The following ALDH7A1 variants were observed in gnomAD, a reference collection of about 807,000 sequenced individuals.
The protein encoded by ALDH7A1 is alpha-aminoadipic semialdehyde dehydrogenase.
In ALDH7A1, 63 loss-of-function variants were observed where a neutral mutation model predicts 79.9. The observed-to-expected ratio is 0.79, with a 90% CI of 0.64 to 0.97. The LOEUF (loss-of-function observed/expected upper bound fraction) is 0.97. Among genes scored for constraint, ALDH7A1 ranks in the 50% least tolerant of loss-of-function variants. The probability of loss-of-function intolerance (pLI) is 0.00; values close to 1 mark genes in which losing one functional copy is unlikely to be tolerated. For missense variants in ALDH7A1, 627 were observed against 665.2 expected (o/e 0.94, Z 0.63); for synonymous variants, 240 against 231.2 (o/e 1.04, Z -0.34).
chr5:126,550,415 G>C, intron 14 of ALDH7A1, 122 bp from the exon 15 acceptor site: 1 of 785,964 alleles, frequency 1.3e-6, no homozygotes, highest in South Asian at 1.6e-5. Flanking sequence ...AAACCAAAGA[G>C]TCAAGTTTAC....
In ALDH7A1 at chr5:126,594,535, C is replaced by T. The variant is rs1036729879; in HGVS notation, c.192+472G>A. The stretch of plus-strand genomic sequence containing the variant: ...TCTCGGCTCACTACGACCTCCACCT[C>T]CCGGGTTCAAGCGATTCTCCTGCCT... On this transcript the variant is annotated intron_variant, in intron 1 of 17. Coordinates refer to ENST00000409134, the MANE Select transcript of ALDH7A1 (RefSeq NM_001182.5). 1.1e-5 allele frequency: 3 copies of T among 280,086 alleles called. No homozygotes were observed. The Admixed American group carries it at 1.4e-4, about 13-fold the overall frequency. 17.4% of individuals were successfully genotyped at this position (280,086 alleles called of 1,614,324 possible). A position where few individuals can be genotyped will look rare whatever the true frequency, so the allele number is the denominator to read the frequency against.
intron 3 of ALDH7A1, chr5:126,588,637 CAA>C (rs372999283): frequency 2.8e-4 from 42 of 152,204 alleles, no homozygotes; most frequent in African/African-American, 1.0e-3. Flanking sequence ...ACAGGATATG[CAA>C]AGAGTGAACC....
At chr5:126,571,814 AG>A (rs1462008263) in intron 7 of ALDH7A1, among the ~76,000 whole-genome samples, 3 of 152,146 alleles carry the variant, frequency 2.0e-5, no homozygotes, top group Non-Finnish European at 4.4e-5. Context: ...AAATTGGGGA[AG>A]GGGAAGGGAT....
intron 7 of ALDH7A1, among the ~76,000 whole-genome samples, chr5:126,572,875 CCTT>C (rs1750823390): frequency 6.6e-6 from 1 of 152,186 alleles, no homozygotes; most frequent in African/African-American, 2.4e-5. Flanking sequence ...TGTCCTATAT[CCTT>C]CTGAATACAC....
intron 11 of ALDH7A1, among the ~76,000 whole-genome samples, chr5:126,557,072 T>A (rs1025076177): frequency 1.3e-5 from 2 of 152,228 alleles, no homozygotes; most frequent in Non-Finnish European, 2.9e-5. Flanking sequence ...TTGGCTTTTA[T>A]GTCATTTCAT....
intron 11 of ALDH7A1, among the ~76,000 whole-genome samples, chr5:126,558,553 G>A (rs1242373565): frequency 6.6e-6 from 1 of 152,134 alleles, no homozygotes; most frequent in East Asian, 1.9e-4. Flanking sequence ...GTCTTGCCCT[G>A]TCGCCCAGGC....
intron 3 of ALDH7A1, chr5:126,587,870 A>T (rs868204649): frequency 6.6e-6 from 1 of 152,152 alleles, no homozygotes; most frequent in Non-Finnish European, 1.5e-5. Flanking sequence ...CACAATTAGG[A>T]AAAACTCTGC....
intron 3 of ALDH7A1, among the ~76,000 whole-genome samples, chr5:126,585,478 A>G (rs963817103): frequency 6.6e-6 from 1 of 152,108 alleles, no homozygotes; most frequent in African/African-American, 2.4e-5. Context: ...CTTCTCCCCA[A>G]GTGTATCACT....
At chr5:126,558,352 C>G (rs535920059) in intron 11 of ALDH7A1, among the ~76,000 whole-genome samples, 1 of 152,154 alleles carries the variant, frequency 6.6e-6, no homozygotes, top group East Asian at 1.9e-4. Context: ...TAAACCACAT[C>G]TCCTTATATA....
chr5:126,559,817 G>A (rs4835913), intron 10 of ALDH7A1, among the ~76,000 whole-genome samples: 79,179 of 151,998 alleles, frequency 0.52, 21,935 homozygotes, highest in Middle Eastern at 0.64. Context: ...ATATATAGAC[G>A]AGGGGGAAAG....
chr5:126,582,223 T>C, intron 5 of ALDH7A1: 4 of 398,374 alleles, frequency 1.0e-5, no homozygotes, highest in Non-Finnish European at 1.3e-5. Context: ...GGCTTAGTCA[T>C]GGGGGTAGGA....
chr5:126,564,667 C>T, intron 9 of ALDH7A1: 2 of 707,612 alleles, frequency 2.8e-6, no homozygotes, highest in Non-Finnish European at 4.0e-6. Flanking sequence ...CCAAATGCTA[C>T]ACCAACTCTA....
At chr5:126,590,720 A>G (rs1331547675) in intron 3 of ALDH7A1, among the ~76,000 whole-genome samples, 1 of 152,008 alleles carries the variant, frequency 6.6e-6, no homozygotes, top group Non-Finnish European at 1.5e-5. Context: ...CCCCACCTCT[A>G]CAAAAAATAC....
chr5:126,549,787 G>C, intron 16 of ALDH7A1, 142 bp downstream of exon 16: 1 of 837,346 alleles, frequency 1.2e-6, no homozygotes, highest in Non-Finnish European at 2.0e-6. Context: ...CAGAATGTAA[G>C]CTTTTTCAGA....
intron 9 of ALDH7A1, among the ~76,000 whole-genome samples, chr5:126,565,431 T>C (rs1402760751): frequency 6.8e-6 from 1 of 146,246 alleles, no homozygotes; most frequent in Non-Finnish European, 1.5e-5. Flanking sequence ...AAGACGGCTA[T>C]TCAAATCCAA....
chr5:126,564,586 C>T, intron 9 of ALDH7A1: 2 of 1,247,704 alleles, frequency 1.6e-6, no homozygotes, highest in Non-Finnish European at 2.0e-6. Flanking sequence ...TTCTCATTTC[C>T]ATTGCTCTGA....
intron 9 of ALDH7A1, among the ~76,000 whole-genome samples, chr5:126,566,104 A>C (rs946428553): frequency 4.6e-5 from 7 of 152,232 alleles, no homozygotes. Flanking sequence ...TTAACTTGTC[A>C]GTTGTCACAA....
Position 126,552,126 on chromosome 5 carries a change from G to A in ALDH7A1, c.1212C>T (p.Arg404=), listed in dbSNP as rs761523599. Reference sequence around the variant, plus strand: ...TTGTCGGTTCTACATAATTTCCAGGGCGATCCATAACCTAATGCAGAGAAA... The same window carrying A: ...TTGTCGGTTCTACATAATTTCCAGGACGATCCATAACCTAATGCAGAGAAA... ...TVVYGGKVMD[R]PGNYVEPTIV... Residue 404 remains arginine, a synonymous_variant, in exon 14 of 18, where the codon CGC becomes CGT. Coordinates refer to ENST00000409134, the MANE Select transcript of ALDH7A1 (RefSeq NM_001182.5). The A allele has an allele frequency of 3.1e-6, 5 of 1,613,550 alleles. No homozygotes were observed. Among genetic ancestry groups the A allele is most frequent in the African/African-American group, 1.3e-5 (1 of 74,896 alleles).
In ALDH7A1 at chr5:126,575,530, T is replaced by C. The variant is rs1185898910; in HGVS notation, c.651-66A>G. The C allele has an allele frequency of 4.9e-6, 7 of 1,428,100 alleles. No homozygotes were observed. The Admixed American group carries it at 6.0e-5, about 12-fold the overall frequency. 88.5% of individuals were successfully genotyped at this position (1,428,100 alleles called of 1,614,324 possible). ...TTTGACGGAAACCATAAATACCTTTTATTATCAAACAGAAGCAAAAGTGTG... is the reference window on the plus strand; with the variant it reads ...TTTGACGGAAACCATAAATACCTTTCATTATCAAACAGAAGCAAAAGTGTG... On this transcript the variant is annotated intron_variant, in intron 6 of 17. Transcript: ENST00000409134.
Sources: allele counts gnomAD v4.1 joint callset (sites outside exome capture counted in the v4.1 genomes callset), GRCh38; gene constraint gnomAD v4.1.1; transcripts MANE v1.5; gene names NCBI Gene and HGNC (gene_info 2026-07-23, HGNC 2026-07-21).